TSPAN15: variants seen among roughly 807,000 people sequenced by gnomAD.
TSPAN15 encodes tetraspanin-15.
In TSPAN15, 20 loss-of-function variants were observed where a neutral mutation model predicts 34.5. The observed-to-expected ratio is 0.58, with a 90% CI of 0.41 to 0.84. The LOEUF (loss-of-function observed/expected upper bound fraction) is 0.84, where lower values mean the gene tolerates loss of function less well. Ranked by LOEUF, TSPAN15 falls within the 40% of genes least tolerant of loss-of-function variation. TSPAN15 has a pLI of 0.00. For synonymous variants in TSPAN15, 155 were observed against 153.9 expected (o/e 1.01, Z -0.05); for missense variants, 313 against 386.1 (o/e 0.81, Z 1.59).
At chr10:69,495,789 T>C (rs1842068018) in intron 4 of TSPAN15, 100 bp downstream of exon 4, 1 of 831,454 alleles carries the variant, frequency 1.2e-6, no homozygotes. Context: ...AGGTGACTTA[T>C]CCATTCCCAA....
intron 1 of TSPAN15, among the ~76,000 whole-genome samples, chr10:69,471,148 T>C (rs1017455780): frequency 1.3e-5 from 2 of 152,266 alleles, no homozygotes; most frequent in African/African-American, 4.8e-5. Flanking sequence ...AAGTAGAATG[T>C]GAGCTCCACC....
downstream of TSPAN15, among the ~76,000 whole-genome samples, chr10:69,508,311 C>T (rs998052165): frequency 4.0e-5 from 6 of 151,476 alleles, no homozygotes; most frequent in African/African-American, 7.3e-5. Flanking sequence ...CATGGTGGTG[C>T]GCGCCTGTAG....
chr10:69,548,859 T>C, the TSPAN15 span, among the ~76,000 whole-genome samples: 2 of 152,038 alleles, frequency 1.3e-5, no homozygotes, highest in Non-Finnish European at 2.9e-5. Flanking sequence ...GGAGACGCAT[T>C]GCTATAATAT....
chr10:69,542,701 C>A, the TSPAN15 span, among the ~76,000 whole-genome samples: 1 of 152,208 alleles, frequency 6.6e-6, no homozygotes, highest in African/African-American at 2.4e-5. Flanking sequence ...ACCATCAGAT[C>A]TCATGAGAAT....
chr10:69,544,562 G>A, the TSPAN15 span, among the ~76,000 whole-genome samples: 2 of 152,262 alleles, frequency 1.3e-5, no homozygotes, highest in Non-Finnish European at 2.9e-5. Flanking sequence ...TGCCCCCAGG[G>A]TAGTGGGTGT....
At chr10:69,496,331 A>G (rs1417720249) in intron 4 of TSPAN15, among the ~76,000 whole-genome samples, 1 of 136,782 alleles carries the variant, frequency 7.3e-6, no homozygotes, top group Non-Finnish European at 1.5e-5. Context: ...AATAATAATA[A>G]TAATAATAAT....
chr10:69,455,163 A>AG (rs1191466940), intron 1 of TSPAN15, among the ~76,000 whole-genome samples: 1 of 151,512 alleles, frequency 6.6e-6, no homozygotes, highest in East Asian at 1.9e-4. Flanking sequence ...AAAAAAAAAA[A>AG]AAAAAGGAAA....
the TSPAN15 span, among the ~76,000 whole-genome samples, chr10:69,528,559 A>T: frequency 6.7e-6 from 1 of 148,594 alleles, no homozygotes; most frequent in Non-Finnish European, 1.5e-5. Flanking sequence ...TATTGGTTAC[A>T]GCTCTTTTAG....
intron 1 of TSPAN15, among the ~76,000 whole-genome samples, chr10:69,455,590 C>CTCTTTCTTTCTT (rs749957203): frequency 1.2e-4 from 13 of 106,760 alleles, no homozygotes; most frequent in East Asian, 4.9e-4. Flanking sequence ...TTCTTTCTTT[C>CTCTTTCTTTCTT]TCTTTCTTTC....
intron 5 of TSPAN15, among the ~76,000 whole-genome samples, chr10:69,503,966 G>A (rs1030222750): frequency 3.3e-5 from 5 of 152,202 alleles, no homozygotes; most frequent in African/African-American, 1.2e-4. Flanking sequence ...AGTGGTCTAT[G>A]GAACGGAAGC....
chr10:69,493,470 CT>C (rs5785919), intron 3 of TSPAN15, among the ~76,000 whole-genome samples: 2,715 of 118,752 alleles, frequency 0.023, 33 homozygotes, highest in African/African-American at 0.06. Flanking sequence ...AGCCCATCTC[CT>C]TTTTTTTTTT....
the TSPAN15 span, among the ~76,000 whole-genome samples, chr10:69,531,588 GACTGTC>G: frequency 7.1e-3 from 1,078 of 152,200 alleles, no homozygotes; most frequent in Middle Eastern, 0.02. Flanking sequence ...GACACAGTGA[GACTGTC>G]TCAAAAAGCA....
chr10:69,500,242 G>A (rs1384565601), intron 5 of TSPAN15, among the ~76,000 whole-genome samples: 1 of 152,170 alleles, frequency 6.6e-6, no homozygotes, highest in Non-Finnish European at 1.5e-5. Flanking sequence ...CAGTTCGGCT[G>A]GAGGCCTCAG....
the TSPAN15 span, among the ~76,000 whole-genome samples, chr10:69,536,398 C>T: frequency 1.3e-5 from 2 of 152,184 alleles, no homozygotes; most frequent in Non-Finnish European, 2.9e-5. Flanking sequence ...CATTGAAATA[C>T]AGAGGGATGA....
the TSPAN15 span, among the ~76,000 whole-genome samples, chr10:69,525,483 TAAAA>T: frequency 8.5e-6 from 1 of 118,124 alleles, no homozygotes; most frequent in African/African-American, 3.1e-5. Context: ...CCTCATCTCT[TAAAA>T]AAAAAAAAAA....
chr10:69,503,103 G>C (rs1173144363), intron 5 of TSPAN15, among the ~76,000 whole-genome samples: 2 of 152,186 alleles, frequency 1.3e-5, no homozygotes, highest in Non-Finnish European at 1.5e-5. Flanking sequence ...CTCTCCATAG[G>C]GGTTGTGTTT....
At chr10:69,534,517 T>A in the TSPAN15 span, among the ~76,000 whole-genome samples, 1 of 152,134 alleles carries the variant, frequency 6.6e-6, no homozygotes, top group Non-Finnish European at 1.5e-5. Flanking sequence ...AATAATCATA[T>A]CGGTGGTGAT....
At position 69,461,518 on chromosome 10, in the gene TSPAN15, T is replaced by A. The variant is rs371964019; in HGVS notation, c.96+9828T>A. On this transcript the variant is annotated intron_variant, in intron 1 of 7. Coordinates refer to ENST00000373290, the MANE Select transcript of TSPAN15 (RefSeq NM_012339.5). ...TCTCAGGATGTTGCCTGTGACCTTG[T>A]ATGAGTGACACAGGCTGTTTCCCAT... Among the ~76,000 whole-genome samples the A allele has an allele frequency of 4.9e-4, 74 of 152,254 alleles. No individual in the cohort carries two copies. In the East Asian group the frequency reaches 0.01, roughly 21 times the overall value.
At chr10:69,507,785 C>A (rs1314242641), downstream of TSPAN15, 18 of 573,892 alleles carry the variant, frequency 3.1e-5, no homozygotes, top group Non-Finnish European at 3.5e-5. Flanking sequence ...GAAGATTTGG[C>A]ATAGCTTGGG....
Sources: allele counts gnomAD v4.1 joint callset (sites outside exome capture counted in the v4.1 genomes callset), GRCh38; gene constraint gnomAD v4.1.1; transcripts MANE v1.5; gene names NCBI Gene and HGNC (gene_info 2026-07-23, HGNC 2026-07-21).